Variants in CASK observed in about 807,000 individuals in gnomAD.
CASK encodes calcium/calmodulin dependent serine protein kinase.
In CASK, 4 loss-of-function variants were observed where a neutral mutation model predicts 82.9. The observed-to-expected ratio is 0.05, with a 90% CI of 0.02 to 0.11. CASK has a LOEUF of 0.11. Among genes scored for constraint, CASK ranks in the 10% least tolerant of loss-of-function variants. CASK has a pLI of 1.00. For synonymous variants in CASK, 259 were observed against 253.5 expected (o/e 1.02, Z -0.20); for missense variants, 358 against 720.9 (o/e 0.50, Z 5.76).
At chrX:41,590,156 A>G (rs2065721402) in intron 12 of CASK, 2 of 113,683 alleles carry the variant, frequency 1.8e-5, no homozygotes, top group Admixed American at 1.9e-4. Flanking sequence ...GAAGTCAAGG[A>G]CATAAACTTT....
intron 2 of CASK, among the ~76,000 whole-genome samples, chrX:41,844,222 G>T (rs914532875): frequency 7.2e-5 from 8 of 111,434 alleles, no homozygotes; most frequent in African/African-American, 2.3e-4. Context: ...TCAGGGTATT[G>T]CAGGCCTTAT....
At chrX:41,602,282 A>G (rs10126687) in intron 12 of CASK, among the ~76,000 whole-genome samples, 2,739 of 111,556 alleles carry the variant, frequency 0.025, 91 homozygotes, top group African/African-American at 0.084. Flanking sequence ...TCTTTCTTTC[A>G]TAGCATTTTT....
At chrX:41,853,835 A>G (rs2071311873) in intron 1 of CASK, among the ~76,000 whole-genome samples, 1 of 112,146 alleles carries the variant, frequency 8.9e-6, no homozygotes, top group African/African-American at 3.2e-5. Context: ...TCCCTGTTTA[A>G]AACACCAGAG....
intron 5 of CASK, chrX:41,729,781 A>AAAAAAAATAT (rs2068351382): frequency 2.6e-5 from 1 of 38,014 alleles, no homozygotes; most frequent in Non-Finnish European, 4.5e-5. Flanking sequence ...AAAAAAAAAA[A>AAAAAAAATAT]ATATATATAT....
chrX:41,834,864 T>C (rs1487444631), intron 2 of CASK, among the ~76,000 whole-genome samples: 1 of 112,345 alleles, frequency 8.9e-6, no homozygotes, highest in South Asian at 3.7e-4. Flanking sequence ...ATAGATGGGA[T>C]AACAGTAACT....
chrX:41,832,184 A>T (rs970315194), intron 2 of CASK, among the ~76,000 whole-genome samples: 1 of 111,224 alleles, frequency 9.0e-6, no homozygotes, highest in Non-Finnish European at 1.9e-5. Context: ...TGGTATAATA[A>T]CAAAGAAAAC....
chrX:41,792,683 A>G (rs1327157081), intron 2 of CASK, among the ~76,000 whole-genome samples: 1 of 111,899 alleles, frequency 8.9e-6, no homozygotes, highest in East Asian at 2.8e-4. Context: ...AAAAAAGTAA[A>G]AAGAAACAGG....
chrX:41,581,698 A>G (rs193147143), intron 14 of CASK, among the ~76,000 whole-genome samples: 3 of 109,838 alleles, frequency 2.7e-5, no homozygotes, highest in African/African-American at 9.9e-5. Flanking sequence ...AAAAACGCTT[A>G]TAAGATAGAA....
At chrX:41,661,522 A>G (rs1239823675) in intron 7 of CASK, among the ~76,000 whole-genome samples, 2 of 111,782 alleles carry the variant, frequency 1.8e-5, no homozygotes, top group Non-Finnish European at 3.8e-5. Flanking sequence ...AAGCCAAATG[A>G]AACTGCAGTA....
At chrX:41,788,678 A>G (rs908935089) in intron 2 of CASK, among the ~76,000 whole-genome samples, 9 of 111,613 alleles carry the variant, frequency 8.1e-5, no homozygotes, top group Non-Finnish European at 1.3e-4. Context: ...GGAAGAATCA[A>G]TAATATTAAG....
chrX:41,787,876 C>T (rs1229632507), intron 2 of CASK, among the ~76,000 whole-genome samples: 2 of 111,016 alleles, frequency 1.8e-5, no homozygotes, highest in Non-Finnish European at 3.8e-5. Context: ...TGTGCTGGGG[C>T]CAGGCGTGGT....
intron 2 of CASK, among the ~76,000 whole-genome samples, chrX:41,836,182 T>C (rs2070923418): frequency 9.0e-6 from 1 of 111,306 alleles, no homozygotes; most frequent in Admixed American, 9.6e-5. Flanking sequence ...TGAAATTCTA[T>C]ACAAAGAATA....
chrX:41,751,317 G>A (rs780886768), intron 3 of CASK, among the ~76,000 whole-genome samples: 95 of 111,069 alleles, frequency 8.6e-4, no homozygotes, highest in African/African-American at 1.2e-3. Context: ...TGGAATTCCC[G>A]GGCTCAAACG....
At chrX:41,693,096 C>T (rs1401717441) in intron 5 of CASK, among the ~76,000 whole-genome samples, 1 of 111,609 alleles carries the variant, frequency 9.0e-6, no homozygotes, top group Non-Finnish European at 1.9e-5. Flanking sequence ...AAAATAACTA[C>T]TCACAGGTGA....
chrX:41,709,684 G>A (rs2147624648), intron 5 of CASK, among the ~76,000 whole-genome samples: 1 of 111,492 alleles, frequency 9.0e-6, no homozygotes, highest in East Asian at 2.8e-4. Context: ...TATAAAAGCA[G>A]ATCAGTGGCT....
chrX:41,530,685 G>A (rs1441482793), intron 25 of CASK, among the ~76,000 whole-genome samples: 1 of 112,532 alleles, frequency 8.9e-6, no homozygotes, highest in East Asian at 2.8e-4. Flanking sequence ...CAAAGTGCCA[G>A]AGCCTCATCC....
At chrX:41,819,802 G>T (rs1055303349) in intron 2 of CASK, among the ~76,000 whole-genome samples, 3 of 111,726 alleles carry the variant, frequency 2.7e-5, no homozygotes, top group Non-Finnish European at 5.7e-5. Flanking sequence ...TTCAATCAAT[G>T]TAAGTAACAG....
chrX:41,674,579 CA>C (rs2067241452), intron 5 of CASK, among the ~76,000 whole-genome samples: 1 of 110,769 alleles, frequency 9.0e-6, no homozygotes, highest in East Asian at 2.8e-4. Context: ...TCCCCTCTCC[CA>C]AAAAAATTGG....
intron 5 of CASK, chrX:41,689,972 T>C (rs1421940583): frequency 1.8e-5 from 2 of 111,734 alleles, no homozygotes; most frequent in Admixed American, 9.6e-5. Flanking sequence ...CATGAGCCAG[T>C]TGAAAAAAAA....
Sources: gnomAD v4.1 joint callset for allele counts (sites outside exome capture counted in the v4.1 genomes callset) on GRCh38, gnomAD v4.1.1 for gene constraint, MANE v1.5 for transcripts, NCBI Gene and HGNC (gene_info 2026-07-23, HGNC 2026-07-21) for gene names.